Variants in PTPRD observed in about 807,000 individuals in gnomAD.
PTPRD encodes the protein protein tyrosine phosphatase receptor type D, also known as receptor-type tyrosine-protein phosphatase delta.
In PTPRD, 34 loss-of-function variants were observed where a neutral mutation model predicts 214.5. That is an observed-to-expected ratio of 0.16 (90% CI 0.12 to 0.21). The LOEUF is 0.21. Among genes scored for constraint, PTPRD ranks in the 10% least tolerant of loss-of-function variants. The probability of loss-of-function intolerance (pLI) is 1.00; values close to 1 mark genes in which losing one functional copy is unlikely to be tolerated. For synonymous variants in PTPRD, 1,128 were observed against 845.7 expected (o/e 1.33, Z -5.79); for missense variants, 2,545 against 2,398.7 (o/e 1.06, Z -1.27).
chr9:8,584,312 G>T (rs13293506), intron 14 of PTPRD, among the ~76,000 whole-genome samples: 1 of 151,760 alleles, frequency 6.6e-6, no homozygotes, highest in East Asian at 1.9e-4. Flanking sequence ...CTATAAATAC[G>T]ATGTCTTTTC....
chr9:10,083,542 G>C (rs2098277693), intron 3 of PTPRD, among the ~76,000 whole-genome samples: 1 of 151,940 alleles, frequency 6.6e-6, no homozygotes, highest in Non-Finnish European at 1.5e-5. Flanking sequence ...TTTAATAAAA[G>C]CATAAAGTTT....
At chr9:9,773,087 T>C (rs1006734184) in intron 5 of PTPRD, among the ~76,000 whole-genome samples, 15 of 152,180 alleles carry the variant, frequency 9.9e-5, no homozygotes, top group African/African-American at 3.6e-4. Context: ...TACTGTCATA[T>C]GAATATCAAG....
chr9:9,528,772 A>C (rs943807198), intron 8 of PTPRD, among the ~76,000 whole-genome samples: 3 of 152,100 alleles, frequency 2.0e-5, no homozygotes, highest in African/African-American at 7.2e-5. Flanking sequence ...CTCACCAGAA[A>C]CTATTCAAAC....
intron 7 of PTPRD, among the ~76,000 whole-genome samples, chr9:9,658,104 AT>A (rs530137384): frequency 2.0e-5 from 3 of 151,882 alleles, no homozygotes; most frequent in South Asian, 2.1e-4. Flanking sequence ...GTGCTGTTTT[AT>A]TTTTTTTATT....
intron 11 of PTPRD, among the ~76,000 whole-genome samples, chr9:8,992,061 C>A (rs2099372215): frequency 6.6e-6 from 1 of 152,014 alleles, no homozygotes. Flanking sequence ...TCCTATATTC[C>A]ACATTTACCT....
chr9:9,528,456 C>CT (rs2074672505), intron 8 of PTPRD, among the ~76,000 whole-genome samples: 1 of 151,768 alleles, frequency 6.6e-6, no homozygotes, highest in African/African-American at 2.4e-5. Context: ...ACTGAGAAAG[C>CT]TTTAAAAAAA....
intron 11 of PTPRD, among the ~76,000 whole-genome samples, chr9:8,965,837 T>G (rs2099190676): frequency 6.6e-6 from 1 of 152,104 alleles, no homozygotes. Context: ...AGGAAAAGAA[T>G]AAGTCAAATT....
chr9:10,596,086 G>C (rs1365469838), intron 2 of PTPRD, among the ~76,000 whole-genome samples: 1 of 151,690 alleles, frequency 6.6e-6, no homozygotes, highest in Non-Finnish European at 1.5e-5. Context: ...TTTGCTGTCT[G>C]ATTTATTCCT....
chr9:9,065,665 T>C (rs62529479), intron 10 of PTPRD, among the ~76,000 whole-genome samples: 244 of 152,106 alleles, frequency 1.6e-3, no homozygotes, highest in Admixed American at 3.2e-3. Flanking sequence ...GGAAGAAGGA[T>C]AGTTGGTTAG....
intron 8 of PTPRD, among the ~76,000 whole-genome samples, chr9:9,473,937 T>G (rs532217465): frequency 3.9e-5 from 6 of 152,036 alleles, no homozygotes; most frequent in Non-Finnish European, 8.8e-5. Flanking sequence ...TTTACTACAT[T>G]GTTTTGCTTT....
chr9:9,076,529 C>A (rs1358742020), intron 10 of PTPRD, among the ~76,000 whole-genome samples: 1 of 152,080 alleles, frequency 6.6e-6, no homozygotes, highest in African/African-American at 2.4e-5. Flanking sequence ...TTAGCTTCCA[C>A]AAGTAAGTGA....
chr9:10,603,904 C>T (rs2078608122), intron 2 of PTPRD, among the ~76,000 whole-genome samples: 1 of 151,770 alleles, frequency 6.6e-6, no homozygotes, highest in Non-Finnish European at 1.5e-5. Context: ...ATATGAGCTG[C>T]AGATTATTAT....
intron 6 of PTPRD, among the ~76,000 whole-genome samples, chr9:9,751,631 A>G (rs2098520616): frequency 6.6e-6 from 1 of 152,098 alleles, no homozygotes. Context: ...TTTAAAAAGA[A>G]TAACGTGAAG....
intron 7 of PTPRD, among the ~76,000 whole-genome samples, chr9:9,583,348 C>G (rs1444502633): frequency 1.3e-5 from 2 of 152,006 alleles, no homozygotes; most frequent in African/African-American, 4.8e-5. Context: ...AAATGCCGCT[C>G]TAAATTATTC....
intron 35 of PTPRD, among the ~76,000 whole-genome samples, chr9:8,420,739 G>A (rs1047450760): frequency 7.9e-5 from 12 of 151,722 alleles, no homozygotes; most frequent in Non-Finnish European, 1.5e-4. Context: ...TTTAGCTTTG[G>A]GGAAAGACAG....
chr9:9,413,979 A>T (rs1195099908), intron 8 of PTPRD, among the ~76,000 whole-genome samples: 2 of 152,330 alleles, frequency 1.3e-5, no homozygotes, highest in East Asian at 3.9e-4. Flanking sequence ...TCAGGGAAAG[A>T]GTAGAATTTT....
At chr9:9,059,446 T>C (rs1430382988) in intron 10 of PTPRD, among the ~76,000 whole-genome samples, 1 of 151,994 alleles carries the variant, frequency 6.6e-6, no homozygotes, top group Admixed American at 6.6e-5. Flanking sequence ...AGAATAAGTA[T>C]ATAGAAATCA....
intron 7 of PTPRD, among the ~76,000 whole-genome samples, chr9:9,643,048 C>T (rs186451966): frequency 2.4e-4 from 36 of 152,260 alleles, no homozygotes; most frequent in African/African-American, 8.4e-4. Context: ...TATGAGTTTC[C>T]ATGAGCACAT....
At chr9:9,246,479 G>T (rs931038038) in intron 9 of PTPRD, among the ~76,000 whole-genome samples, 2 of 152,032 alleles carry the variant, frequency 1.3e-5, no homozygotes, top group African/African-American at 4.8e-5. Flanking sequence ...AAATCTGTCA[G>T]TTTGCTCCTT....
Sources: gnomAD v4.1 joint callset for allele counts (sites outside exome capture counted in the v4.1 genomes callset) on GRCh38, gnomAD v4.1.1 for gene constraint, MANE v1.5 for transcripts, NCBI Gene and HGNC (gene_info 2026-07-23, HGNC 2026-07-21) for gene names.